LY75: variants seen among roughly 807,000 people sequenced by gnomAD.
LY75 encodes lymphocyte antigen 75, also known as C-type lectin domain family 13 member B.
In LY75, 185 loss-of-function variants were observed where a neutral mutation model predicts 231.7. The ratio of observed to expected loss-of-function variants is 0.80; its 90% CI spans 0.71 to 0.90. The LOEUF is 0.90. Among genes scored for constraint, LY75 ranks in the 40% least tolerant of loss-of-function variants. The pLI is 0.00. For missense variants in LY75, 1,947 were observed against 2,050.2 expected, an observed-to-expected ratio of 0.95 and a Z score of 0.97; for synonymous variants, 668 against 689.0, an observed-to-expected ratio of 0.97 and a Z score of 0.48.
At chr2:159,891,139 G>T (rs1316641568) in intron 3 of LY75, among the ~76,000 whole-genome samples, 1 of 152,036 alleles carries the variant, frequency 6.6e-6, no homozygotes, top group Admixed American at 6.6e-5. Context: ...TGCATCCCAG[G>T]CTCCAACTGG....
In LY75 at chr2:159,831,786, T is replaced by C. The variant is rs749554575; in HGVS notation, c.3842A>G (p.Asn1281Ser). Reference protein sequence around the residue: ...DEVHTKCQKLNPKSHILSIRD... With the variant: ...DEVHTKCQKLSPKSHILSIRD... ...AATACTCAGAATATGTGATTTTGGATCTGTTGAATAAAAAATAATCAATAA... is the reference window on the plus strand; with the variant it reads ...AATACTCAGAATATGTGATTTTGGACCTGTTGAATAAAAAATAATCAATAA... Residue 1281 changes from asparagine (N) to serine (S), a missense_variant and splice_region_variant, in exon 28 of 35, where the codon AAT (asparagine) becomes AGT (serine). Transcript: ENST00000263636. 2 of 1,599,038 alleles carry C rather than the reference T, an allele frequency of 1.3e-6. No individual in the cohort carries two copies. The highest frequency in any genetic ancestry group is 1.7e-6 in the Non-Finnish European group (2 of 1,173,900).
chr2:159,866,898 G>C (rs886894664), intron 13 of LY75, among the ~76,000 whole-genome samples: 3 of 152,178 alleles, frequency 2.0e-5, no homozygotes, highest in African/African-American at 7.2e-5. Context: ...CTGCATTGTA[G>C]AGGCTCCCAC....
intron 25 of LY75, among the ~76,000 whole-genome samples, chr2:159,838,893 T>A (rs573371027): frequency 6.6e-6 from 1 of 152,136 alleles, no homozygotes; most frequent in South Asian, 2.1e-4. Flanking sequence ...CCTCCCAGGT[T>A]CAAGTGATTC....
At chr2:159,832,107 T>C (rs1228837662) in intron 27 of LY75, among the ~76,000 whole-genome samples, 2 of 152,220 alleles carry the variant, frequency 1.3e-5, no homozygotes, top group Non-Finnish European at 2.9e-5. Context: ...CCACCCATAG[T>C]AATGATATAC....
chr2:159,868,556 C>A (rs1684920575), intron 13 of LY75, among the ~76,000 whole-genome samples: 1 of 152,088 alleles, frequency 6.6e-6, no homozygotes, highest in African/African-American at 2.4e-5. Context: ...AGGGAGTGCT[C>A]AACAAGTGTG....
chr2:159,889,567 A>G (rs11690685), intron 4 of LY75, among the ~76,000 whole-genome samples: 27,186 of 152,078 alleles, frequency 0.18, 2,722 homozygotes, highest in East Asian at 0.32. Flanking sequence ...TACAATTCCA[A>G]TCAAAGTTCC....
chr2:159,813,444 C>T (rs1285311823), intron 31 of LY75, among the ~76,000 whole-genome samples: 1 of 151,792 alleles, frequency 6.6e-6, no homozygotes, highest in East Asian at 1.9e-4. Flanking sequence ...GAAATGTATG[C>T]TCTCACAGTT....
In LY75 at chr2:159,831,801, AT is replaced by A. The variant is rs766196582; in HGVS notation, c.3842-16del. ...TGATTTTGGATCTGTTGAATAAAAA[AT>A]AATCAATAATTTTAACAATTACTTA... On this transcript the variant is annotated splice_polypyrimidine_tract_variant and intron_variant, in intron 27 of 34. Coordinates refer to ENST00000263636, the MANE Select transcript of LY75 (RefSeq NM_002349.4). 1.5e-5 allele frequency: 23 copies of A among 1,581,732 alleles called. No individual in the cohort carries two copies. The African/African-American group carries it at 2.2e-4, about 15-fold the overall frequency.
intron 25 of LY75, among the ~76,000 whole-genome samples, 157 bp downstream of exon 25, chr2:159,840,572 A>C (rs1365490978): frequency 6.6e-6 from 1 of 152,154 alleles, no homozygotes; most frequent in Non-Finnish European, 1.5e-5. Flanking sequence ...CCTTTGTCTC[A>C]AAACAAAATT....
chr2:159,863,691 CA>C (rs1684778897), intron 14 of LY75, among the ~76,000 whole-genome samples: 1 of 152,234 alleles, frequency 6.6e-6, no homozygotes, highest in East Asian at 1.9e-4. Flanking sequence ...TACAGTCATG[CA>C]TTGCATAATG....
At chr2:159,807,947 C>A in intron 33 of LY75, 1 of 960,992 alleles carries the variant, frequency 1.0e-6, no homozygotes, top group Non-Finnish European at 1.2e-6. Context: ...CAATTACTTT[C>A]ACACCAACCT....
At position 159,864,621 on chromosome 2, in the gene LY75, C is replaced by T. The variant is rs528909223; in HGVS notation, c.2199+218G>A. Among the ~76,000 whole-genome samples the T allele has an allele frequency of 3.3e-5, 5 of 152,186 alleles. No homozygotes were observed. The East Asian group carries it at 7.7e-4, about 24-fold the overall frequency. ...TAAGTGTCTGTTTTTATGCCAGTAC[C>T]ATGCTGTTTTGGTTACTATAGCTTT... is the stretch of plus-strand genomic sequence containing the variant. On this transcript the variant is annotated intron_variant, in intron 14 of 34. Transcript: ENST00000263636.
At chr2:159,825,362 A>G (rs1057445615) in intron 28 of LY75, among the ~76,000 whole-genome samples, 3 of 152,232 alleles carry the variant, frequency 2.0e-5, no homozygotes, top group Non-Finnish European at 4.4e-5. Context: ...ATCTAGAAGA[A>G]ATGGATAAAT....
intron 33 of LY75, chr2:159,808,074 GCTGCAAA>G: frequency 1.0e-6 from 1 of 983,762 alleles, no homozygotes; most frequent in Non-Finnish European, 1.2e-6. Context: ...GAAGTTATAA[GCTGCAAA>G]TCCATGCGGT....
chr2:159,851,515 G>A (rs1434045763), intron 21 of LY75, among the ~76,000 whole-genome samples: 2 of 152,168 alleles, frequency 1.3e-5, no homozygotes, highest in Non-Finnish European at 2.9e-5. Context: ...ACCAAAAGAA[G>A]CCTGATTTTG....
At chr2:159,814,055 T>C (rs1454611317) in intron 31 of LY75, 1 of 152,212 alleles carries the variant, frequency 6.6e-6, no homozygotes, top group Non-Finnish European at 1.5e-5. Flanking sequence ...CTGAATCTGT[T>C]CAACCAAATG....
rs1682750662 is a variant in LY75, at chr2:159,805,010, A to C, written c.*34T>G. 9 of 1,563,976 alleles carry C rather than the reference A, an allele frequency of 5.8e-6. No individual in the cohort carries two copies. In the African/African-American group the frequency reaches 8.1e-5, roughly 14 times the overall value. On this transcript the variant is annotated 3_prime_UTR_variant, in exon 35 of 35. Transcript: ENST00000263636. The stretch of plus-strand genomic sequence containing the variant: ...TTTTAAGTGACTAATTTCTCATAAC[A>C]CATTAGTGCAAATTAGAAAACTTTT...
At chr2:159,886,672 A>G in intron 4 of LY75, 142 bp from the exon 5 acceptor site, 1 of 747,992 alleles carries the variant, frequency 1.3e-6, no homozygotes, top group Non-Finnish European at 2.0e-6. Context: ...TTATGCATCA[A>G]AGGTAGGCAA....
At chr2:159,841,669 C>A (rs553467017) in intron 24 of LY75, among the ~76,000 whole-genome samples, 132 of 152,174 alleles carry the variant, frequency 8.7e-4, no homozygotes, top group African/African-American at 2.8e-3. Flanking sequence ...TATAATGTTT[C>A]AAACCCCCAC....
Sources: allele counts gnomAD v4.1 joint callset (sites outside exome capture counted in the v4.1 genomes callset), GRCh38; gene constraint gnomAD v4.1.1; transcripts MANE v1.5; gene names NCBI Gene and HGNC (gene_info 2026-07-23, HGNC 2026-07-21).